The following PPP1R26 variants were observed in gnomAD, a reference collection of about 807,000 sequenced individuals.
The protein encoded by PPP1R26 is protein phosphatase 1 regulatory subunit 26, also known as 1A6/DRIM (down-regulated in metastasis) interacting protein.
A neutral mutation model predicts 67.6 loss-of-function variants in PPP1R26; 22 were observed. The observed-to-expected ratio is 0.33, with a 90% confidence interval of 0.23 to 0.46. PPP1R26 has a LOEUF of 0.46. Ranked by LOEUF, PPP1R26 falls within the 20% of genes least tolerant of loss-of-function variation. PPP1R26 has a pLI of 1.00. For synonymous variants in PPP1R26, 729 were observed against 717.2 expected (o/e 1.02, Z -0.26); for missense variants, 1,602 against 1,651.4 (o/e 0.97, Z 0.52).
At chr9:135,480,316 CG>C (rs2119222328) in intron 1 of PPP1R26, 2 of 152,198 alleles carry the variant, frequency 1.3e-5, no homozygotes, top group South Asian at 4.1e-4. Context: ...CGGCCCGGGG[CG>C]GCCGCTGCCC....
At position 135,485,100 on chromosome 9, in the gene PPP1R26, G is replaced by A. The variant is rs766907967; in HGVS notation, c.590G>A (p.Gly197Asp). 1 of 1,612,414 alleles carries A rather than the reference G, an allele frequency of 6.2e-7. No homozygotes were observed. Among genetic ancestry groups the A allele is most frequent in the African/African-American group, 1.3e-5 (1 of 75,028 alleles). The change falls in exon 4 of 4, where the codon GGC becomes GAC. Residue 197 changes from glycine (G) to aspartate (D), a missense_variant. By Grantham distance (94) the Gly-to-Asp change is moderately conservative. This residue lies in a region of PPP1R26 where 680 missense variants were observed against 726.1 expected (regional missense o/e 0.94). Coordinates refer to ENST00000356818, the MANE Select transcript of PPP1R26 (RefSeq NM_014811.5). This position sits in a 1 kb window ranked among gnomAD's most constrained non-coding sequence, Gnocchi z 7.2. ...PPKLVPGSGGGPGSQVGSSKD... is the reference protein window; with the variant it reads ...PPKLVPGSGGDPGSQVGSSKD... ...AAACTTGTACCTGGATCAGGTGGTGGCCCCGGCAGCCAGGTGGGATCCAGC... is the reference window on the plus strand; with the variant it reads ...AAACTTGTACCTGGATCAGGTGGTGACCCCGGCAGCCAGGTGGGATCCAGC...
chr9:135,482,979 C>CTTTTTTTTTT (rs1830570844), intron 2 of PPP1R26, among the ~76,000 whole-genome samples, 164 bp downstream of exon 2: 1 of 136,914 alleles, frequency 7.3e-6, no homozygotes. Context: ...GTTTCTTTTT[C>CTTTTTTTTTT]TTTCTTTCTT....
At position 135,485,610 on chromosome 9, in the gene PPP1R26, G is replaced by A; in HGVS notation, c.1100G>A (p.Gly367Asp). The change falls in exon 4 of 4, where the codon GGC (glycine) becomes GAC (aspartate). Residue 367 changes from glycine to aspartate, a missense_variant. By Grantham distance (94) the Gly-to-Asp change is moderately conservative. Around this residue, in one of 5 missense-constraint regions of PPP1R26, gnomAD observed 680 missense variants for 726.1 expected, o/e 0.94. Coordinates refer to ENST00000356818, the MANE Select transcript of PPP1R26 (RefSeq NM_014811.5). This position sits in a 1 kb window ranked among gnomAD's most constrained non-coding sequence, Gnocchi z 7.2. Reference protein sequence around the residue: ...SEASDSSSDDGIEEAIQLYQL... With the variant: ...SEASDSSSDDDIEEAIQLYQL... The stretch of plus-strand genomic sequence containing the variant: ...GCGTCCGACTCCAGCAGCGACGATG[G>A]CATTGAGGAGGCCATCCAGCTGTAC... The A allele has an allele frequency of 6.2e-7, 1 of 1,613,084 alleles. No homozygotes were observed. Among genetic ancestry groups the A allele is most frequent in the Non-Finnish European group, 8.5e-7 (1 of 1,180,008 alleles).
chr9:135,483,754 G>A (rs528937965), intron 2 of PPP1R26, among the ~76,000 whole-genome samples, 196 bp from the exon 3 acceptor site: 44 of 152,334 alleles, frequency 2.9e-4, no homozygotes, highest in Middle Eastern at 3.4e-3. Context: ...GGCAGCGCAG[G>A]ATGAGAAGGG....
At chr9:135,479,637 C>G (rs1304299383), upstream of PPP1R26, 1 of 145,488 alleles carries the variant, frequency 6.9e-6, no homozygotes, top group Non-Finnish European at 1.5e-5. The surrounding 1 kb of genome is among the most constrained non-coding windows in gnomAD (Gnocchi z 5.9). Flanking sequence ...CCGGGCCGCG[C>G]GCCTCCCCCG....
At position 135,485,929 on chromosome 9, in the gene PPP1R26, C is replaced by T. The variant is rs993525512; in HGVS notation, c.1419C>T (p.Cys473=). The part of the protein sequence containing the change: ...SRSEFVERSS[C]RADTSAELMC... Reference sequence around the variant, plus strand: ...GTGAGTTTGTGGAACGGTCCTCGTGCCGGGCGGACACATCTGCTGAGCTGA... The same window carrying T: ...GTGAGTTTGTGGAACGGTCCTCGTGTCGGGCGGACACATCTGCTGAGCTGA... The change falls in exon 4 of 4, where the codon TGC becomes TGT. Residue 473 remains cysteine (C), a synonymous_variant. Coordinates refer to ENST00000356818, the MANE Select transcript of PPP1R26 (RefSeq NM_014811.5). This position sits in a 1 kb window ranked among gnomAD's most constrained non-coding sequence, Gnocchi z 7.2. The T allele has an allele frequency of 2.9e-5, 46 of 1,613,388 alleles. No individual in the cohort carries two copies. Among genetic ancestry groups the T allele is most frequent in the Middle Eastern group, 1.6e-4 (1 of 6,084 alleles).
rs1830857684 is a variant in PPP1R26 at position 135,488,709 on chromosome 9, A to G, written c.*569A>G. The G allele has an allele frequency of 1.2e-5, 2 of 167,090 alleles. No homozygotes were observed. Among genetic ancestry groups the G allele is most frequent in the African/African-American group, 2.4e-5 (1 of 41,456 alleles). The allele number at this position is 167,090 out of a possible 1,614,324, so 10.4% of individuals were successfully genotyped here. A position where few individuals can be genotyped will look rare whatever the true frequency, so the allele number is the denominator to read the frequency against. On this transcript the variant is annotated 3_prime_UTR_variant, in exon 4 of 4. Transcript: ENST00000356818. ...AACTGCAATCACAGCCGTCCGCTGG[A>G]AAAACGTTTCGAAGCACAGTGGCCA... is the stretch of plus-strand genomic sequence containing the variant.
rs777796953 is a variant in PPP1R26, at chr9:135,486,554, G to C, written c.2044G>C (p.Asp682His). ...RRLDEKESSE[D>H]KSSSLDSDED... ...CCTAGACGAGAAAGAGAGCTCTGAA[G>C]ACAAAAGCAGCTCCCTGGACAGTGA... The change falls in exon 4 of 4, where the codon GAC (aspartate) becomes CAC (histidine). Residue 682 changes from aspartate (D) to histidine (H), a missense_variant. Asp to His is a moderately conservative substitution (Grantham distance 81). Around this residue, in one of 5 missense-constraint regions of PPP1R26, gnomAD observed 7 missense variants for 24.3 expected, o/e 0.29. Transcript: ENST00000356818. The surrounding 1 kb of genome is among the most constrained non-coding windows in gnomAD (Gnocchi z 6.2). 6.2e-7 allele frequency: 1 copy of C among 1,612,276 alleles called. No homozygotes were observed. The highest frequency in any genetic ancestry group is 1.7e-5 in the Admixed American group (1 of 60,030).
At position 135,486,820 on chromosome 9, in the gene PPP1R26, C is replaced by T. The variant is rs757915027; in HGVS notation, c.2310C>T (p.Pro770=). The T allele has an allele frequency of 6.2e-7, 1 of 1,609,118 alleles. No homozygotes were observed. The highest frequency in any genetic ancestry group is 8.5e-7 in the Non-Finnish European group (1 of 1,178,324). Residue 770 remains proline (P), a synonymous_variant, in exon 4 of 4, where the codon CCC becomes CCT. Coordinates refer to ENST00000356818, the MANE Select transcript of PPP1R26 (RefSeq NM_014811.5). This position sits in a 1 kb window ranked among gnomAD's most constrained non-coding sequence, Gnocchi z 6.2. The part of the protein sequence containing the change: ...DSGEGPGKKP[P]SVFGSTAERM... The stretch of plus-strand genomic sequence containing the variant: ...GCGAGGGTCCTGGGAAGAAACCCCC[C>T]AGTGTCTTTGGCAGCACGGCAGAGA...
At position 135,485,653 on chromosome 9, in the gene PPP1R26, C is replaced by G; in HGVS notation, c.1143C>G (p.Arg381=). 6.2e-7 allele frequency: 1 copy of G among 1,612,532 alleles called. No homozygotes were observed. Among genetic ancestry groups the G allele is most frequent in the East Asian group, 2.2e-5 (1 of 44,882 alleles). ...AIQLYQLQKT[R]KEADGDLPQR... The stretch of plus-strand genomic sequence containing the variant: ...AGCTGTACCAGCTGCAGAAAACACG[C>G]AAGGAGGCCGACGGGGACCTGCCCC... Residue 381 remains arginine (R), a synonymous_variant, in exon 4 of 4, where the codon CGC becomes CGG. Coordinates refer to ENST00000356818, the MANE Select transcript of PPP1R26 (RefSeq NM_014811.5). This position sits in a 1 kb window ranked among gnomAD's most constrained non-coding sequence, Gnocchi z 7.2.
Position 135,485,081 on chromosome 9 carries a change from G to C in PPP1R26, c.571G>C (p.Val191Leu), listed in dbSNP as rs779965730. Residue 191 changes from valine (V) to leucine (L), a missense_variant, in exon 4 of 4, where the codon GTA (valine) becomes CTA (leucine). Coordinates refer to ENST00000356818, the MANE Select transcript of PPP1R26 (RefSeq NM_014811.5). The surrounding 1 kb of genome is among the most constrained non-coding windows in gnomAD (Gnocchi z 7.2). Reference protein sequence around the residue: ...APTALCPPKLVPGSGGGPGSQ... With the variant: ...APTALCPPKLLPGSGGGPGSQ... ...GACTGCCCTGTGTCCCCCAAAACTT[G>C]TACCTGGATCAGGTGGTGGCCCCGG... 2 of 1,611,126 alleles carry C rather than the reference G, an allele frequency of 1.2e-6. No homozygotes were observed. The highest frequency in any genetic ancestry group is 2.7e-5 in the African/African-American group (2 of 74,848).
intron 1 of PPP1R26, chr9:135,480,330 C>G (rs961358016): frequency 7.9e-5 from 12 of 152,088 alleles, no homozygotes; most frequent in African/African-American, 2.9e-4. Context: ...CGCTGCCCTC[C>G]GAGAATGGCC....
At position 135,486,161 on chromosome 9, in the gene PPP1R26, T is replaced by C; in HGVS notation, c.1651T>C (p.Leu551=). 3.7e-6 allele frequency: 6 copies of C among 1,612,938 alleles called. No homozygotes were observed. The highest frequency in any genetic ancestry group is 5.1e-6 in the Non-Finnish European group (6 of 1,180,012). The change falls in exon 4 of 4, where the codon TTG becomes CTG. Residue 551 remains leucine, a synonymous_variant. Transcript: ENST00000356818. The surrounding 1 kb of genome is among the most constrained non-coding windows in gnomAD (Gnocchi z 6.2). ...FLALKAQSGS[L]LARGESCPQA... ...GGCCCTAAAGGCGCAGTCAGGGAGT[T>C]TGCTGGCCAGAGGTGAGAGCTGCCC... is the stretch of plus-strand genomic sequence containing the variant.
rs1830451743 is a variant in PPP1R26, at chr9:135,479,975, G to A, written c.-376G>A. On this transcript the variant is annotated 5_prime_UTR_variant, in exon 1 of 4. Transcript: ENST00000356818. The surrounding 1 kb of genome is among the most constrained non-coding windows in gnomAD (Gnocchi z 5.9). ...CGCCGCCTCCCCCGGGACGTGGGACGCGGGCGCAGGCGGGGTCCGCGCGGC... is the reference window on the plus strand; with the variant it reads ...CGCCGCCTCCCCCGGGACGTGGGACACGGGCGCAGGCGGGGTCCGCGCGGC... 1 of 145,148 alleles carries A rather than the reference G, an allele frequency of 6.9e-6. No individual in the cohort carries two copies. Among genetic ancestry groups the A allele is most frequent in the African/African-American group, 2.5e-5 (1 of 40,512 alleles). 9.0% of individuals were successfully genotyped at this position (145,148 alleles called of 1,614,324 possible).
rs1256757112 is a variant in PPP1R26 at position 135,486,695 on chromosome 9, A to T, written c.2185A>T (p.Thr729Ser). ...GAAGGTCAGGTTCAGCACAGCCCAGACGCACTTCTTGGAGCAGCTGGGCGG... is the reference window on the plus strand; with the variant it reads ...GAAGGTCAGGTTCAGCACAGCCCAGTCGCACTTCTTGGAGCAGCTGGGCGG... The part of the protein sequence containing the change: ...RKKVRFSTAQ[T>S]HFLEQLGGLR... Residue 729 changes from threonine (T) to serine (S), a missense_variant, in exon 4 of 4, where the codon ACG becomes TCG. By Grantham distance (58) the Thr-to-Ser change is moderately conservative. Transcript: ENST00000356818. The surrounding 1 kb of genome is among the most constrained non-coding windows in gnomAD (Gnocchi z 6.2). 6.3e-7 allele frequency: 1 copy of T among 1,598,064 alleles called. No homozygotes were observed. The highest frequency in any genetic ancestry group is 1.8e-5 in the Admixed American group (1 of 56,956).
rs1404334567 is a variant in PPP1R26 at position 135,479,784 on chromosome 9, C to T, written c.-567C>T. ...GCCCCGCCCCCCGCCCCGCCCCTCC[C>T]CTCCCGCGCTTCCCACGGCGCGGCC... On this transcript the variant is annotated 5_prime_UTR_variant, in exon 1 of 4. Transcript: ENST00000356818. This position sits in a 1 kb window ranked among gnomAD's most constrained non-coding sequence, Gnocchi z 5.9. 1 of 144,948 alleles carries T rather than the reference C, an allele frequency of 6.9e-6. No individual in the cohort carries two copies. The highest frequency in any genetic ancestry group is 2.5e-5 in the African/African-American group (1 of 40,544). 9.0% of individuals were successfully genotyped at this position (144,948 alleles called of 1,614,324 possible).
Position 135,486,694 on chromosome 9 carries a change from G to C in PPP1R26, c.2184G>C (p.Gln728His), listed in dbSNP as rs1186598903. Residue 728 changes from glutamine (Q) to histidine (H), a missense_variant, in exon 4 of 4, where the codon CAG becomes CAC. Transcript: ENST00000356818. This position sits in a 1 kb window ranked among gnomAD's most constrained non-coding sequence, Gnocchi z 6.2. ...AGAAGGTCAGGTTCAGCACAGCCCA[G>C]ACGCACTTCTTGGAGCAGCTGGGCG... The part of the protein sequence containing the change: ...CRKKVRFSTA[Q>H]THFLEQLGGL... 1 of 1,598,760 alleles carries C rather than the reference G, an allele frequency of 6.3e-7. No individual in the cohort carries two copies. The highest frequency in any genetic ancestry group is 8.5e-7 in the Non-Finnish European group (1 of 1,173,280).
rs772414352 is a variant in PPP1R26, at chr9:135,485,440, A to G, written c.930A>G (p.Thr310=). The G allele has an allele frequency of 9.3e-6, 15 of 1,612,872 alleles. No homozygotes were observed. Among genetic ancestry groups the G allele is most frequent in the Non-Finnish European group, 1.3e-5 (15 of 1,179,966 alleles). The change falls in exon 4 of 4, where the codon ACA becomes ACG. Residue 310 remains threonine (T), a synonymous_variant. Coordinates refer to ENST00000356818, the MANE Select transcript of PPP1R26 (RefSeq NM_014811.5). The surrounding 1 kb of genome is among the most constrained non-coding windows in gnomAD (Gnocchi z 7.2). ...VQPRSLRSKV[T]TTQENEGSTK... ...CCAGAAGCCTCAGGTCCAAGGTCAC[A>G]ACCACGCAGGAGAACGAGGGCAGCA...
In PPP1R26 at chr9:135,484,564, C is replaced by A; in HGVS notation, c.54C>A (p.Ala18=). 6.2e-7 allele frequency: 1 copy of A among 1,611,976 alleles called. No homozygotes were observed. The highest frequency in any genetic ancestry group is 8.5e-7 in the Non-Finnish European group (1 of 1,179,832). Residue 18 remains alanine, a synonymous_variant, in exon 4 of 4, where the codon GCC becomes GCA. Coordinates refer to ENST00000356818, the MANE Select transcript of PPP1R26 (RefSeq NM_014811.5). ...TTGCTCTCCAGTCCAAATGGGAGGC[C>A]TTTGGCCCGCCAGGGAGCTGTAGGT... is the stretch of plus-strand genomic sequence containing the variant. The part of the protein sequence containing the change: ...PVVALQSKWE[A]FGPPGSCRFP...
Sources: gnomAD v4.1 joint callset for allele counts (sites outside exome capture counted in the v4.1 genomes callset) on GRCh38, gnomAD v4.1.1 for gene constraint, gnomAD v4.1.1 regional missense constraint, Gnocchi (gnomAD v3.1) non-coding constraint, MANE v1.5 for transcripts, NCBI Gene and HGNC (gene_info 2026-07-23, HGNC 2026-07-21) for gene names.